The following BAAT variants were observed in gnomAD, a reference collection of about 807,000 sequenced individuals.
BAAT encodes bile acid CoA: amino acid N-acyltransferase (glycine N-choloyltransferase).
BAAT carries 13 observed loss-of-function variants against 18.9 expected under a neutral mutation model. The observed-to-expected ratio is 0.69, with a 90% confidence interval of 0.45 to 1.10. The LOEUF (loss-of-function observed/expected upper bound fraction) is 1.10, where lower values mean the gene tolerates loss of function less well. Ranked by LOEUF, BAAT falls within the 50% of genes least tolerant of loss-of-function variation. The pLI is 0.00. For synonymous variants in BAAT, 170 were observed against 190.7 expected, an observed-to-expected ratio of 0.89 and a Z score of 0.89; for missense variants, 489 against 504.0, an observed-to-expected ratio of 0.97 and a Z score of 0.28.
In BAAT at chr9:101,371,076, A is replaced by G. The variant is rs1183270312; in HGVS notation, c.329T>C (p.Leu110Ser). The G allele has an allele frequency of 2.5e-6, 4 of 1,613,886 alleles. No homozygotes were observed. Among genetic ancestry groups the G allele is most frequent in the African/African-American group, 1.3e-5 (1 of 74,878 alleles). ...PFQVQVKLYD[L>S]ELIVNNKVAS... Reference sequence around the variant, plus strand: ...AACTTTATTGTTCACTATTAACTCTAAGTCATAAAGTTTTACTTGGACCTG... The same window carrying G: ...AACTTTATTGTTCACTATTAACTCTGAGTCATAAAGTTTTACTTGGACCTG... The change falls in exon 2 of 4, where the codon TTA (leucine) becomes TCA (serine). Residue 110 changes from leucine to serine, a missense_variant. Leu to Ser is a moderately radical substitution (Grantham distance 145). Transcript: ENST00000259407.
Position 101,371,407 on chromosome 9 carries a change from T to G in BAAT, c.-3A>C. ...GGGGTAGCTGTCAACTGGATCATTTTTTTAGTGTGGCACCTGGGATGATTC... is the reference window on the plus strand; with the variant it reads ...GGGGTAGCTGTCAACTGGATCATTTGTTTAGTGTGGCACCTGGGATGATTC... On this transcript the variant is annotated 5_prime_UTR_variant, in exon 2 of 4. Coordinates refer to ENST00000259407, the MANE Select transcript of BAAT (RefSeq NM_001701.4). The G allele has an allele frequency of 6.2e-7, 1 of 1,606,980 alleles. No individual in the cohort carries two copies. Among genetic ancestry groups the G allele is most frequent in the Non-Finnish European group, 8.5e-7 (1 of 1,179,560 alleles).
At chr9:101,381,601 T>C (rs1335001643) in intron 1 of BAAT, among the ~76,000 whole-genome samples, 1 of 152,082 alleles carries the variant, frequency 6.6e-6, no homozygotes, top group Non-Finnish European at 1.5e-5. Context: ...AAAAAGCAAG[T>C]GGTTATTTTT....
chr9:101,382,200 A>C (rs1278410520), intron 1 of BAAT, among the ~76,000 whole-genome samples: 2 of 152,214 alleles, frequency 1.3e-5, no homozygotes, highest in African/African-American at 4.8e-5. Flanking sequence ...AGCCAGCACC[A>C]GGGAGAGGCA....
intron 1 of BAAT, among the ~76,000 whole-genome samples, chr9:101,372,640 G>C (rs984924134): frequency 1.8e-4 from 10 of 55,008 alleles, no homozygotes; most frequent in African/African-American, 6.2e-4. Flanking sequence ...TTTTTTTTTT[G>C]GTCTTTATTT....
chr9:101,380,147 G>T (rs531001375), intron 1 of BAAT, among the ~76,000 whole-genome samples: 53 of 67,210 alleles, frequency 7.9e-4, no homozygotes, highest in African/African-American at 3.2e-3. Flanking sequence ...ACTCCATCTT[G>T]AATTCTAATC....
At chr9:101,383,010 C>T (rs181407757) in intron 1 of BAAT, among the ~76,000 whole-genome samples, 6 of 152,224 alleles carry the variant, frequency 3.9e-5, no homozygotes, top group Non-Finnish European at 5.9e-5. Context: ...ATTAGTCTTA[C>T]ATTAAAAGAA....
Position 101,362,061 on chromosome 9 carries a change from C to G in BAAT, c.*367G>C, listed in dbSNP as rs770717464. 5 of 262,462 alleles carry G rather than the reference C, an allele frequency of 1.9e-5. No individual in the cohort carries two copies. The highest frequency in any genetic ancestry group is 3.7e-5 in the Non-Finnish European group (5 of 136,770). 16.3% of individuals were successfully genotyped at this position (262,462 alleles called of 1,614,324 possible). The stretch of plus-strand genomic sequence containing the variant: ...GCTGCTCTAATCTGATAAATTCTTA[C>G]TATATAGTGTTTTCTGACATGGTAT... On this transcript the variant is annotated 3_prime_UTR_variant, in exon 4 of 4. Coordinates refer to ENST00000259407, the MANE Select transcript of BAAT (RefSeq NM_001701.4).
Position 101,381,853 on chromosome 9 carries a change from G to A in BAAT, c.-60+3002C>T, listed in dbSNP as rs545081156. 3.3e-5 allele frequency among the ~76,000 whole-genome samples: 5 copies of A among 152,182 alleles called. 1 individual carries two copies. The highest frequency in any genetic ancestry group is 4.2e-4 in the South Asian group (2 of 4,802). ...AGTGATACTATAGCTTCCAAGTACC[G>A]TATTTCATTTGTTTTCTTGTAATCA... On this transcript the variant is annotated intron_variant, in intron 1 of 3. Transcript: ENST00000259407.
chr9:101,368,249 G>C lies in BAAT; in HGVS notation c.540C>G (p.Leu180=). 3 of 1,613,818 alleles carry C rather than the reference G, an allele frequency of 1.9e-6. No homozygotes were observed. Among genetic ancestry groups the C allele is most frequent in the Non-Finnish European group, 2.5e-6 (3 of 1,180,008 alleles). Residue 180 remains leucine, a synonymous_variant, in exon 3 of 4, where the codon CTC becomes CTG. Transcript: ENST00000259407. ...LGGLLEFRAS[L]LASRGFASLA... ...AGGAGGCGAAGCCACGACTGGCTAG[G>C]AGGCTGGCCCGAAATTCAAGCAGCC...
chr9:101,375,727 C>A (rs1176545974), intron 1 of BAAT: 1 of 152,790 alleles, frequency 6.5e-6, no homozygotes, highest in Non-Finnish European at 1.5e-5. Flanking sequence ...CTGCTATTTG[C>A]AGTAGGGAGG....
Position 101,361,452 on chromosome 9 carries a change from A to G in BAAT, c.*976T>C, listed in dbSNP as rs1427688815. 6.6e-6 allele frequency: 1 copy of G among 152,654 alleles called. No homozygotes were observed. The highest frequency in any genetic ancestry group is 1.5e-5 in the Non-Finnish European group (1 of 68,038). 9.5% of individuals were successfully genotyped at this position (152,654 alleles called of 1,614,324 possible). On this transcript the variant is annotated 3_prime_UTR_variant, in exon 4 of 4. Coordinates refer to ENST00000259407, the MANE Select transcript of BAAT (RefSeq NM_001701.4). ...GCAAACAACCATGTGGTTGAATTAC[A>G]TGCAGTCCTCATATATTCAGTTGGT...
At chr9:101,364,954 G>A (rs1829801712) in intron 3 of BAAT, among the ~76,000 whole-genome samples, 1 of 152,108 alleles carries the variant, frequency 6.6e-6, no homozygotes, top group Admixed American at 6.5e-5. Flanking sequence ...CATAAATGGA[G>A]GCAGAAAAGC....
In BAAT at chr9:101,362,740, C is replaced by A. The variant is rs568514229; in HGVS notation, c.945G>T (p.Glu315Asp). The change falls in exon 4 of 4, where the codon GAG becomes GAT. Residue 315 changes from glutamate to aspartate, a missense_variant. Coordinates refer to ENST00000259407, the MANE Select transcript of BAAT (RefSeq NM_001701.4). ...CAATGAAGAGGAATTGCCCCTGGGC[C>A]TCTTCAATAGGAAACAAATATTGAC... ...GASQYLFPIE[E>D]AQGQFLFIVG... The A allele has an allele frequency of 6.2e-7, 1 of 1,614,204 alleles. No homozygotes were observed. The highest frequency in any genetic ancestry group is 1.1e-5 in the South Asian group (1 of 91,090).
chr9:101,364,911 G>A (rs544846244), intron 3 of BAAT, among the ~76,000 whole-genome samples: 10 of 152,284 alleles, frequency 6.6e-5, no homozygotes, highest in South Asian at 4.1e-4. Flanking sequence ...TTAAGCAAGC[G>A]AGTAAAATAG....
chr9:101,368,754 C>A (rs76031534), intron 2 of BAAT, among the ~76,000 whole-genome samples: 5,664 of 152,092 alleles, frequency 0.037, 144 homozygotes, highest in Middle Eastern at 0.078. Flanking sequence ...TACAAATAAG[C>A]TTTAGGAAAT....
intron 1 of BAAT, among the ~76,000 whole-genome samples, chr9:101,373,816 G>T (rs1264620735): frequency 6.6e-6 from 1 of 152,048 alleles, no homozygotes; most frequent in Non-Finnish European, 1.5e-5. Flanking sequence ...AAGGTCTCGG[G>T]GGTAGGGGCG....
At chr9:101,366,439 G>T (rs1829829413) in intron 3 of BAAT, among the ~76,000 whole-genome samples, 2 of 152,124 alleles carry the variant, frequency 1.3e-5, no homozygotes, top group Admixed American at 1.3e-4. Flanking sequence ...CTATCATCCT[G>T]CAGAAGAGAC....
At chr9:101,380,734 T>A (rs900743144) in intron 1 of BAAT, among the ~76,000 whole-genome samples, 5 of 152,172 alleles carry the variant, frequency 3.3e-5, no homozygotes, top group African/African-American at 4.8e-5. Context: ...TTTTTTTAAG[T>A]GGATGAAACG....
chr9:101,362,191 G>T lies in BAAT; in HGVS notation c.*237C>A. On this transcript the variant is annotated 3_prime_UTR_variant, in exon 4 of 4. Coordinates refer to ENST00000259407, the MANE Select transcript of BAAT (RefSeq NM_001701.4). ...TTTAGAAGACCTGATGGAAAGAAAA[G>T]TCATGTAAATAATAAGTAAAATGAT... 1.7e-6 allele frequency: 1 copy of T among 602,296 alleles called. No individual in the cohort carries two copies. The highest frequency in any genetic ancestry group is 2.9e-6 in the Non-Finnish European group (1 of 343,736). The allele number at this position is 602,296 out of a possible 1,614,324, so 37.3% of individuals were successfully genotyped here.
Sources: gnomAD v4.1 joint callset for allele counts (sites outside exome capture counted in the v4.1 genomes callset) on GRCh38, gnomAD v4.1.1 for gene constraint, MANE v1.5 for transcripts, NCBI Gene and HGNC (gene_info 2026-07-23, HGNC 2026-07-21) for gene names.